Variants in CDCA2 observed in about 807,000 individuals in gnomAD.
The protein encoded by CDCA2 is cell division cycle associated 2.
Under a neutral mutation model 67.0 loss-of-function variants are expected in CDCA2, and 44 were observed. The ratio of observed to expected loss-of-function variants is 0.66; its 90% confidence interval spans 0.52 to 0.84. The LOEUF (loss-of-function observed/expected upper bound fraction) is 0.84, where lower values mean the gene tolerates loss of function less well. Among genes scored for constraint, CDCA2 ranks in the 40% least tolerant of loss-of-function variants. The pLI, the probability that CDCA2 is intolerant of heterozygous loss-of-function variation, is 0.00. For synonymous variants in CDCA2, 447 were observed against 418.7 expected (o/e 1.07, Z -0.82); for missense variants, 1,253 against 1,203.2 (o/e 1.04, Z -0.61).
At chr8:25,467,327 G>A (rs1802955409) in intron 5 of CDCA2, among the ~76,000 whole-genome samples, 1 of 152,086 alleles carries the variant, frequency 6.6e-6, no homozygotes, top group South Asian at 2.1e-4. Flanking sequence ...CCTCCCATGA[G>A]GATTGCTCTG....
intron 14 of CDCA2, among the ~76,000 whole-genome samples, chr8:25,504,732 A>G (rs1287645649): frequency 6.6e-6 from 1 of 152,194 alleles, no homozygotes; most frequent in Non-Finnish European, 1.5e-5. Flanking sequence ...GTGACAGGGC[A>G]TCCACCACTC....
rs771596273 is a variant in CDCA2 at position 25,484,101 on chromosome 8, C to T, written c.1256C>T (p.Thr419Ile). The change falls in exon 10 of 15, where the codon ACA becomes ATA. Residue 419 changes from threonine (T) to isoleucine (I), a missense_variant. By Grantham distance (89) the Thr-to-Ile change is moderately conservative. Coordinates refer to ENST00000330560, the MANE Select transcript of CDCA2 (RefSeq NM_152562.4). Reference sequence around the variant, plus strand: ...AATACTCCATTGCGTAAAGGAGGAACACCTGTTTGTAAAAAAGACTTCAGT... The same window carrying T: ...AATACTCCATTGCGTAAAGGAGGAATACCTGTTTGTAAAAAAGACTTCAGT... ...PANTPLRKGG[T>I]PVCKKDFSGL... 3.1e-6 allele frequency: 5 copies of T among 1,614,142 alleles called. No homozygotes were observed. The highest frequency in any genetic ancestry group is 2.2e-5 in the South Asian group (2 of 91,084).
At chr8:25,474,945 G>A (rs1002575941) in intron 7 of CDCA2, among the ~76,000 whole-genome samples, 1 of 152,170 alleles carries the variant, frequency 6.6e-6, no homozygotes, top group African/African-American at 2.4e-5. Flanking sequence ...TGCAGCTGGG[G>A]TCGAGCAGGG....
At chr8:25,468,475 A>C (rs899992252) in intron 6 of CDCA2, 62 bp downstream of exon 6, 34 of 1,386,584 alleles carry the variant, frequency 2.5e-5, no homozygotes, top group Non-Finnish European at 3.4e-5. Context: ...AGGCAGTTTT[A>C]AGGCTGTCAG....
rs115799637 is a variant in CDCA2, at chr8:25,469,970, G to A, written c.810G>A (p.Glu270=). 291 of 1,605,348 alleles carry A rather than the reference G, an allele frequency of 1.8e-4. 1 individual carries two copies. The African/African-American group carries it at 3.7e-3, about 20-fold the overall frequency. ...CTCTTCCCCTTTCAGAGCTCACAGA[G>A]ACTTCAAATGGTAAGTAATCTTTTC... is the stretch of plus-strand genomic sequence containing the variant. The part of the protein sequence containing the change: ...EESLPLSELT[E]TSNALKVADC... The change falls in exon 7 of 15, where the codon GAG becomes GAA. Residue 270 remains glutamate, a synonymous_variant. Transcript: ENST00000330560.
At position 25,466,244 on chromosome 8, in the gene CDCA2, C is replaced by T; in HGVS notation, c.457C>T (p.His153Tyr). 1 of 1,612,146 alleles carries T rather than the reference C, an allele frequency of 6.2e-7. No homozygotes were observed. The highest frequency in any genetic ancestry group is 8.5e-7 in the Non-Finnish European group (1 of 1,179,582). ...ERISAFQSAF[H>Y]SIKENEKMTG... ...AATATCAGCCTTCCAGTCAGCTTTT[C>T]ACTCCATAAAGGAAAACGAGAAAAT... is the stretch of plus-strand genomic sequence containing the variant. Residue 153 changes from histidine to tyrosine, a missense_variant, in exon 5 of 15, where the codon CAC (histidine) becomes TAC (tyrosine). Transcript: ENST00000330560.
At chr8:25,501,249 G>T (rs748931034) in intron 13 of CDCA2, among the ~76,000 whole-genome samples, 2 of 152,150 alleles carry the variant, frequency 1.3e-5, no homozygotes, top group African/African-American at 4.8e-5. Context: ...TTATTTTTCC[G>T]TGGAATGTTT....
At chr8:25,461,980 A>T in intron 3 of CDCA2, 74 bp from the exon 4 acceptor site, 1 of 1,401,028 alleles carries the variant, frequency 7.1e-7, no homozygotes, top group Non-Finnish European at 1.0e-6. Context: ...TCAGGCTGGT[A>T]CATCACGAGT....
intron 13 of CDCA2, 81 bp downstream of exon 13, chr8:25,488,770 A>ATT: frequency 7.5e-7 from 1 of 1,337,746 alleles, no homozygotes. Flanking sequence ...ATAGAAACAC[A>ATT]TTTTTTTCCA....
At position 25,468,330 on chromosome 8, in the gene CDCA2, G is replaced by A. The variant is rs753802638; in HGVS notation, c.652G>A (p.Glu218Lys). Residue 218 changes from glutamate to lysine, a missense_variant, in exon 6 of 15, where the codon GAA (glutamate) becomes AAA (lysine). Glu to Lys is a moderately conservative substitution (Grantham distance 56, BLOSUM62 1). Transcript: ENST00000330560. ...CTCTGATGAAAATCTGACGGATGCTGAAGGAAAAGTAATTGGTCTCCAGAT... is the reference window on the plus strand; with the variant it reads ...CTCTGATGAAAATCTGACGGATGCTAAAGGAAAAGTAATTGGTCTCCAGAT... Reference protein sequence around the residue: ...RDSDENLTDAEGKVIGLQIFN... With the variant: ...RDSDENLTDAKGKVIGLQIFN... The A allele has an allele frequency of 3.1e-6, 5 of 1,613,896 alleles. No individual in the cohort carries two copies. The highest frequency in any genetic ancestry group is 4.2e-6 in the Non-Finnish European group (5 of 1,179,872).
rs1402266066 is a variant in CDCA2 at position 25,462,478 on chromosome 8, T to C, written c.387+270T>C. Among the ~76,000 whole-genome samples the C allele has an allele frequency of 3.8e-5, 4 of 106,192 alleles. No homozygotes were observed. The East Asian group carries it at 9.1e-4, about 24-fold the overall frequency. The allele number at this position is 106,192 out of a possible 152,430, so 69.7% of individuals were successfully genotyped here. A position where few individuals can be genotyped will look rare whatever the true frequency, so the allele number is the denominator to read the frequency against. On this transcript the variant is annotated intron_variant, in intron 4 of 14. Transcript: ENST00000330560. The stretch of plus-strand genomic sequence containing the variant: ...CCCATCTCTACTAAAAATACGAAAA[T>C]TAGCTGGGTGTGGTGGCAGGTTCCC...
chr8:25,493,017 A>G (rs1804074144), intron 13 of CDCA2, among the ~76,000 whole-genome samples: 1 of 152,160 alleles, frequency 6.6e-6, no homozygotes, highest in Admixed American at 6.5e-5. Context: ...AGTGGTGGAA[A>G]TGGATGTTAG....
intron 7 of CDCA2, among the ~76,000 whole-genome samples, chr8:25,475,048 T>C (rs1417145088): frequency 6.6e-6 from 1 of 152,208 alleles, no homozygotes; most frequent in African/African-American, 2.4e-5. Flanking sequence ...ACCTTTCCAC[T>C]GCTAGGATTG....
chr8:25,501,180 C>A (rs1021113161), intron 13 of CDCA2, among the ~76,000 whole-genome samples: 13 of 152,174 alleles, frequency 8.5e-5, no homozygotes, highest in African/African-American at 2.9e-4. Flanking sequence ...CATAGAATTT[C>A]ATGTTAAATG....
At chr8:25,466,923 C>T (rs11135867) in intron 5 of CDCA2, among the ~76,000 whole-genome samples, 145,667 of 151,648 alleles carry the variant, frequency 0.96, 70,192 homozygotes, top group East Asian at 1. Context: ...ATGCCTGTAA[C>T]TCCAGCTACT....
intron 13 of CDCA2, among the ~76,000 whole-genome samples, chr8:25,500,717 T>C (rs1026982038): frequency 3.9e-5 from 6 of 152,186 alleles, no homozygotes; most frequent in African/African-American, 1.4e-4. Flanking sequence ...AACTCTCAAG[T>C]AATGGAAAAG....
Position 25,499,727 on chromosome 8 carries a change from G to A in CDCA2, c.1672-3646G>A, listed in dbSNP as rs183889409. On this transcript the variant is annotated intron_variant, in intron 13 of 14. Coordinates refer to ENST00000330560, the MANE Select transcript of CDCA2 (RefSeq NM_152562.4). ...CCTGACCTCCTTCACTGTGTGAGAA[G>A]AGGAATCAGTGATTTTGGAGTAAAC... Among the ~76,000 whole-genome samples, 47 of 152,326 alleles carry A rather than the reference G, an allele frequency of 3.1e-4. 1 individual carries two copies. Among genetic ancestry groups the A allele is most frequent in the Admixed American group, 2.8e-3 (43 of 15,302 alleles).
At chr8:25,501,361 T>C (rs1489248677) in intron 13 of CDCA2, among the ~76,000 whole-genome samples, 1 of 152,262 alleles carries the variant, frequency 6.6e-6, no homozygotes, top group Non-Finnish European at 1.5e-5. Context: ...TATTCTGTGC[T>C]GTCACCCAAA....
chr8:25,491,702 G>C (rs774837196), intron 13 of CDCA2, among the ~76,000 whole-genome samples: 7 of 151,852 alleles, frequency 4.6e-5, no homozygotes, highest in Non-Finnish European at 1.0e-4. Context: ...CTGCATGCTT[G>C]ACCTCCCTGG....
Sources: allele counts gnomAD v4.1 joint callset (sites outside exome capture counted in the v4.1 genomes callset), GRCh38; gene constraint gnomAD v4.1.1; transcripts MANE v1.5; gene names NCBI Gene and HGNC (gene_info 2026-07-23, HGNC 2026-07-21).